Variants in ANKS1B observed in about 807,000 individuals in gnomAD.
ANKS1B encodes the protein ankyrin repeat and sterile alpha motif domain containing 1B.
Under a neutral mutation model 148.3 loss-of-function variants are expected in ANKS1B, and 36 were observed. The ratio of observed to expected loss-of-function variants is 0.24; its 90% CI spans 0.19 to 0.32. The LOEUF (loss-of-function observed/expected upper bound fraction) is 0.32. Ranked by LOEUF, ANKS1B falls within the 10% of genes least tolerant of loss-of-function variation. ANKS1B has a pLI of 1.00. For missense variants in ANKS1B, 1,157 were observed against 1,542.6 expected, an observed-to-expected ratio of 0.75 and a Z score of 4.19; for synonymous variants, 542 against 560.8, an observed-to-expected ratio of 0.97 and a Z score of 0.47.
At chr12:99,908,847 T>C (rs995850227) in intron 1 of ANKS1B, among the ~76,000 whole-genome samples, 5 of 152,196 alleles carry the variant, frequency 3.3e-5, no homozygotes, top group African/African-American at 9.7e-5. Context: ...ATACCTTTTT[T>C]CCCCCTTTGG....
At chr12:99,648,913 C>T in intron 9 of ANKS1B, 1 of 1,325,384 alleles carries the variant, frequency 7.5e-7, no homozygotes, top group South Asian at 1.6e-5. Flanking sequence ...GTCTGAAGGC[C>T]AAATGAGCTT....
intron 17 of ANKS1B, among the ~76,000 whole-genome samples, chr12:99,008,213 A>C (rs2099937281): frequency 6.6e-6 from 1 of 152,146 alleles, no homozygotes; most frequent in Non-Finnish European, 1.5e-5. Flanking sequence ...TTTATACCCT[A>C]TTATAATGAT....
intron 10 of ANKS1B, among the ~76,000 whole-genome samples, chr12:99,446,074 A>C (rs975019146): frequency 2.0e-5 from 3 of 151,908 alleles, no homozygotes; most frequent in Non-Finnish European, 2.9e-5. Flanking sequence ...ATTACAATGC[A>C]ATATAACTTG....
At chr12:99,653,343 C>G (rs10860483) in intron 9 of ANKS1B, among the ~76,000 whole-genome samples, 1 of 151,874 alleles carries the variant, frequency 6.6e-6, no homozygotes, top group Non-Finnish European at 1.5e-5. Context: ...AGATATAAGG[C>G]AAAGTAATGA....
At chr12:99,868,487 T>G (rs1008507538) in intron 1 of ANKS1B, among the ~76,000 whole-genome samples, 10 of 151,752 alleles carry the variant, frequency 6.6e-5, no homozygotes, top group African/African-American at 2.4e-4. Context: ...GGCAGTGCAA[T>G]AAGAAAAAGA....
intron 10 of ANKS1B, among the ~76,000 whole-genome samples, chr12:99,500,596 G>A (rs1453125110): frequency 6.6e-6 from 1 of 152,102 alleles, no homozygotes; most frequent in Non-Finnish European, 1.5e-5. Context: ...TTTTGGGGTG[G>A]CCTGTTAATA....
rs542172941 is a variant in ANKS1B, at chr12:99,869,791, C to T, written c.135-44402G>A. On this transcript the variant is annotated intron_variant, in intron 1 of 26. Coordinates refer to ENST00000683438, the MANE Select transcript of ANKS1B (RefSeq NM_001352186.2). ...AGCAAAAAATGAAAACTGCTATATGCCTCACATCATATAAAAAAAGAACTC... is the reference window on the plus strand; with the variant it reads ...AGCAAAAAATGAAAACTGCTATATGTCTCACATCATATAAAAAAAGAACTC... Among the ~76,000 whole-genome samples the T allele has an allele frequency of 4.0e-5, 6 of 151,520 alleles. No homozygotes were observed. In the South Asian group the frequency reaches 1.0e-3, roughly 26 times the overall value.
At chr12:99,876,742 AAAGAG>A (rs1220773564) in intron 1 of ANKS1B, among the ~76,000 whole-genome samples, 2 of 148,694 alleles carry the variant, frequency 1.3e-5, no homozygotes, top group Admixed American at 6.8e-5. Context: ...AAAAAAAAAA[AAAGAG>A]AGAGAGAGGA....
intron 11 of ANKS1B, among the ~76,000 whole-genome samples, chr12:99,434,017 A>C (rs1424996962): frequency 3.3e-5 from 5 of 152,178 alleles, no homozygotes; most frequent in Admixed American, 2.0e-4. Flanking sequence ...TGAATAAATA[A>C]ATAAATTAAT....
chr12:99,572,364 T>C (rs1163948076), intron 9 of ANKS1B, among the ~76,000 whole-genome samples: 1 of 152,116 alleles, frequency 6.6e-6, no homozygotes, highest in African/African-American at 2.4e-5. Flanking sequence ...TTTTCTCCCA[T>C]ACTACATTTT....
At chr12:99,861,853 A>C (rs2090060902) in intron 1 of ANKS1B, among the ~76,000 whole-genome samples, 1 of 151,814 alleles carries the variant, frequency 6.6e-6, no homozygotes, top group African/African-American at 2.4e-5. Flanking sequence ...TGTTATACGA[A>C]AGTGAATGTT....
At chr12:98,885,105 T>C (rs2099736397) in intron 17 of ANKS1B, among the ~76,000 whole-genome samples, 1 of 152,140 alleles carries the variant, frequency 6.6e-6, no homozygotes, top group South Asian at 2.1e-4. Context: ...GATCTCTAGG[T>C]TCCATCTCTA....
chr12:99,648,087 G>C, intron 9 of ANKS1B: 2 of 1,521,764 alleles, frequency 1.3e-6, no homozygotes, highest in South Asian at 1.3e-5. Context: ...CCACCTGCCA[G>C]AGTAGCCAAG....
intron 9 of ANKS1B, among the ~76,000 whole-genome samples, chr12:99,505,996 G>GT (rs1422343326): frequency 2.0e-5 from 3 of 151,894 alleles, no homozygotes; most frequent in Middle Eastern, 3.2e-3. Flanking sequence ...TACCCTTGTG[G>GT]TTTTGTGGCT....
intron 12 of ANKS1B, among the ~76,000 whole-genome samples, chr12:99,381,646 G>C (rs2093648259): frequency 6.6e-6 from 1 of 152,204 alleles, no homozygotes; most frequent in Non-Finnish European, 1.5e-5. Context: ...ACCTAACTGA[G>C]ACTTCAGTGC....
intron 8 of ANKS1B, among the ~76,000 whole-genome samples, chr12:99,657,007 T>C (rs745846784): frequency 2.0e-5 from 3 of 152,176 alleles, no homozygotes; most frequent in Non-Finnish European, 2.9e-5. Context: ...CCTTGATCAC[T>C]TGTCAGTAAC....
intron 16 of ANKS1B, among the ~76,000 whole-genome samples, chr12:99,066,669 G>A (rs116449821): frequency 6.6e-6 from 1 of 152,204 alleles, no homozygotes; most frequent in Non-Finnish European, 1.5e-5. Flanking sequence ...GGTCTTTTCA[G>A]AGGCTGTGGA....
Position 99,112,799 on chromosome 12 carries a change from G to A in ANKS1B, c.2527-27776C>T, listed in dbSNP as rs1035211624. On this transcript the variant is annotated intron_variant, in intron 15 of 26. Transcript: ENST00000683438. ...GGCAATTTAATTCTTTCCACTCCCA[G>A]CCATGTGCTCTTTCCATGTCGTCCT... Among the ~76,000 whole-genome samples the A allele has an allele frequency of 3.9e-5, 6 of 152,252 alleles. 1 individual carries two copies. Among genetic ancestry groups the A allele is most frequent in the Middle Eastern group, 3.4e-3 (1 of 294 alleles).
chr12:99,452,126 T>G (rs1285387913), intron 10 of ANKS1B, among the ~76,000 whole-genome samples: 1 of 152,106 alleles, frequency 6.6e-6, no homozygotes, highest in Non-Finnish European at 1.5e-5. Flanking sequence ...TACATGATCT[T>G]TGTTGTAACT....
Sources: gnomAD v4.1 joint callset for allele counts (sites outside exome capture counted in the v4.1 genomes callset) on GRCh38, gnomAD v4.1.1 for gene constraint, MANE v1.5 for transcripts, NCBI Gene and HGNC (gene_info 2026-07-23, HGNC 2026-07-21) for gene names.